PCDHA1: variants seen among roughly 807,000 people sequenced by gnomAD.
PCDHA1 encodes protocadherin alpha 1, also known as protocadherin alpha-1.
A neutral mutation model predicts 61.3 loss-of-function variants in PCDHA1; 42 were observed. The ratio of observed to expected loss-of-function variants is 0.69; its 90% confidence interval spans 0.54 to 0.89. The LOEUF is 0.89. Ranked by LOEUF, PCDHA1 falls within the 40% of genes least tolerant of loss-of-function variation. PCDHA1 has a pLI of 0.00. For synonymous variants in PCDHA1, 610 were observed against 553.8 expected (o/e 1.10, Z -1.43); for missense variants, 1,256 against 1,235.3 (o/e 1.02, Z -0.25).
At chr5:140,927,158 C>G in intron 1 of PCDHA1, 1 of 1,614,166 alleles carries the variant, frequency 6.2e-7, no homozygotes, top group Non-Finnish European at 8.5e-7. Context: ...CTGTGCAGGG[C>G]CAAAGCTGCC....
rs552832365 is a variant in PCDHA1, at chr5:140,928,668, T to C, written c.2395-50281T>C. ...TAGCAGAGGATGCTGACAGTGGTTC[T>C]AATGCCTGGCTTTCCTACCACATCT... is the stretch of plus-strand genomic sequence containing the variant. On this transcript the variant is annotated intron_variant, in intron 1 of 3. Transcript: ENST00000504120. The C allele has an allele frequency of 2.4e-4, 388 of 1,614,234 alleles. 3 individuals are homozygous for C. The South Asian group carries it at 4.0e-3, about 17-fold the overall frequency.
intron 1 of PCDHA1, among the ~76,000 whole-genome samples, chr5:140,873,657 C>A (rs1270824058): frequency 6.6e-6 from 1 of 152,090 alleles, no homozygotes; most frequent in Non-Finnish European, 1.5e-5. Context: ...ACATAACACA[C>A]TATTATTATT....
At chr5:140,883,627 G>A (rs781902332) in intron 1 of PCDHA1, 34 of 1,613,816 alleles carry the variant, frequency 2.1e-5, no homozygotes, top group Non-Finnish European at 2.7e-5. Context: ...ACAACGCGCC[G>A]GCGTTCGCGC....
intron 1 of PCDHA1, chr5:140,808,941 T>A: frequency 6.2e-7 from 1 of 1,613,526 alleles, no homozygotes. Context: ...CCATGGTCGG[T>A]GGGTGTGGGC....
chr5:140,795,959 G>C lies in PCDHA1; in HGVS notation c.2394+7275G>C, dbSNP rs782107752. 4 of 1,613,900 alleles carry C rather than the reference G, an allele frequency of 2.5e-6. No homozygotes were observed. In the South Asian group the frequency reaches 4.4e-5, roughly 18 times the overall value. On this transcript the variant is annotated intron_variant, in intron 1 of 3. Transcript: ENST00000504120. ...GACAAAGGAACCCCTTCAATGTCAG[G>C]ACATTGTAAAATTTCATTAAAACTT... is the stretch of plus-strand genomic sequence containing the variant.
At chr5:140,917,047 G>A (rs183820401) in intron 1 of PCDHA1, among the ~76,000 whole-genome samples, 11 of 152,262 alleles carry the variant, frequency 7.2e-5, no homozygotes, top group Admixed American at 5.2e-4. Context: ...GCACAGTGTT[G>A]TTCCCTGCTA....
chr5:140,856,318 C>G (rs200204071), intron 1 of PCDHA1: 2 of 1,598,576 alleles, frequency 1.3e-6, no homozygotes, highest in East Asian at 4.5e-5. Context: ...CTCGGATTGA[C>G]CGCGAGGAGC....
intron 1 of PCDHA1, chr5:140,852,001 C>G (rs2042214693): frequency 1.0e-6 from 1 of 975,480 alleles, no homozygotes; most frequent in East Asian, 1.1e-4. Context: ...TGTTTGTTTT[C>G]TAATTTATAG....
chr5:140,856,423 T>G (rs1266159746), intron 1 of PCDHA1: 1 of 1,598,178 alleles, frequency 6.3e-7, no homozygotes, highest in East Asian at 2.2e-5. Context: ...TGAAGGACAT[T>G]AACGACAACC....
intron 3 of PCDHA1, among the ~76,000 whole-genome samples, chr5:140,986,945 C>G (rs1295830111): frequency 1.3e-5 from 2 of 151,946 alleles, no homozygotes; most frequent in Non-Finnish European, 2.9e-5. Context: ...TGGGTGTGGT[C>G]GCTCATGCCT....
chr5:140,817,904 C>A (rs1766231046), intron 1 of PCDHA1, among the ~76,000 whole-genome samples: 1 of 152,194 alleles, frequency 6.6e-6, no homozygotes, highest in African/African-American at 2.4e-5. Context: ...TTTAAGATGA[C>A]ATTCCATGGT....
At chr5:140,979,912 G>C (rs1554241237) in intron 2 of PCDHA1, among the ~76,000 whole-genome samples, 2 of 152,248 alleles carry the variant, frequency 1.3e-5, no homozygotes, top group South Asian at 2.1e-4. Flanking sequence ...AGTTCGTAAA[G>C]AGAAAGCCTA....
intron 1 of PCDHA1, among the ~76,000 whole-genome samples, chr5:140,893,912 G>A (rs1254345100): frequency 6.6e-6 from 1 of 152,124 alleles, no homozygotes; most frequent in Non-Finnish European, 1.5e-5. Flanking sequence ...TGAATTTGTG[G>A]TCTTTTTCAG....
At chr5:140,879,743 C>A (rs553188333) in intron 1 of PCDHA1, among the ~76,000 whole-genome samples, 2 of 152,274 alleles carry the variant, frequency 1.3e-5, no homozygotes, top group South Asian at 2.1e-4. Context: ...AAGGTGTTGT[C>A]AAGGCTATAC....
intron 1 of PCDHA1, among the ~76,000 whole-genome samples, chr5:140,906,130 C>T (rs1554192409): frequency 6.6e-6 from 1 of 152,112 alleles, no homozygotes; most frequent in African/African-American, 2.4e-5. Flanking sequence ...AAATGTTAGT[C>T]TCCTTTGATA....
chr5:140,916,612 G>A (rs1256459125), intron 1 of PCDHA1, among the ~76,000 whole-genome samples: 3 of 152,144 alleles, frequency 2.0e-5, no homozygotes, highest in African/African-American at 7.2e-5. Flanking sequence ...CGGGCCTCAT[G>A]ACTCTACTCA....
At chr5:140,843,133 C>A (rs2150353566) in intron 1 of PCDHA1, 4 of 1,595,862 alleles carry the variant, frequency 2.5e-6, no homozygotes, top group African/African-American at 2.7e-5. Context: ...CGGGCTACAA[C>A]GCGTGGCTTT....
At chr5:140,823,724 T>A in intron 1 of PCDHA1, 6 of 1,613,808 alleles carry the variant, frequency 3.7e-6, no homozygotes, top group Non-Finnish European at 5.1e-6. Flanking sequence ...CTGGTGCTGG[T>A]GAAGGACCAT....
At chr5:140,799,213 T>C (rs905078730) in intron 1 of PCDHA1, among the ~76,000 whole-genome samples, 7 of 152,142 alleles carry the variant, frequency 4.6e-5, no homozygotes, top group Non-Finnish European at 8.8e-5. Flanking sequence ...TCTAAACTCA[T>C]AGTTCCTTTA....
Sources: allele counts gnomAD v4.1 joint callset (sites outside exome capture counted in the v4.1 genomes callset), GRCh38; gene constraint gnomAD v4.1.1; transcripts MANE v1.5; gene names NCBI Gene and HGNC (gene_info 2026-07-23, HGNC 2026-07-21).